SACS: variants seen among roughly 807,000 people sequenced by gnomAD.
The protein encoded by SACS is sacsin molecular chaperone.
A neutral mutation model predicts 348.0 loss-of-function variants in SACS; 197 were observed. The observed-to-expected ratio is 0.57, with a 90% CI of 0.50 to 0.64. SACS has a LOEUF of 0.64. Among genes scored for constraint, SACS ranks in the 30% least tolerant of loss-of-function variants. The probability of loss-of-function intolerance (pLI) is 0.00; values close to 1 mark genes in which losing one functional copy is unlikely to be tolerated. For synonymous variants in SACS, 1,985 were observed against 1,910.6 expected, an observed-to-expected ratio of 1.04 and a Z score of -1.02; for missense variants, 4,999 against 5,360.8, an observed-to-expected ratio of 0.93 and a Z score of 2.11.
rs556306594 is a variant in SACS at position 23,405,340 on chromosome 13, G to C, written c.20+5880C>G. Among the ~76,000 whole-genome samples the C allele has an allele frequency of 2.2e-3, 330 of 152,284 alleles. 1 individual carries two copies. The highest frequency in any genetic ancestry group is 7.6e-3 in the African/African-American group (316 of 41,562). ...ATTCCCTACTTAATAAATGGTATTGGGAAAACTGGCTAGCCATTTGCAGAA... is the reference window on the plus strand; with the variant it reads ...ATTCCCTACTTAATAAATGGTATTGCGAAAACTGGCTAGCCATTTGCAGAA... On this transcript the variant is annotated intron_variant, in intron 2 of 9. Transcript: ENST00000382292.
At position 23,354,753 on chromosome 13, in the gene SACS, G is replaced by C. The variant is rs1159082212; in HGVS notation, c.1859C>G (p.Thr620Arg). 2.5e-6 allele frequency: 4 copies of C among 1,613,804 alleles called. No homozygotes were observed. Among genetic ancestry groups the C allele is most frequent in the Non-Finnish European group, 3.4e-6 (4 of 1,179,872 alleles). ...GGGCGTCACCTTCCTCACAGGTGTT[G>C]TGCCAGAGGCAGCTGTGAGCTGAAC... ...AAVQLTAASG[T>R]TPVRKVTPAW... The change falls in exon 8 of 10, where the codon ACA becomes AGA. Residue 620 changes from threonine to arginine, a missense_variant. Around this residue, in one of 6 missense-constraint regions of SACS, gnomAD observed 3,156 missense variants for 3,380.1 expected, o/e 0.93. Transcript: ENST00000382292.
chr13:23,336,570 T>G lies in SACS; in HGVS notation c.7306A>C (p.Ile2436Leu), dbSNP rs567650774. ...RIISEGIWSLIREKKQEFCEK... is the reference protein window; with the variant it reads ...RIISEGIWSLLREKKQEFCEK... Reference sequence around the variant, plus strand: ...CAAAATTCTTGTTTCTTTTCTCTAATGAGACTCCATATTCCTTCACTGATT... The same window carrying G: ...CAAAATTCTTGTTTCTTTTCTCTAAGGAGACTCCATATTCCTTCACTGATT... The change falls in exon 10 of 10, where the codon ATT (isoleucine) becomes CTT (leucine). Residue 2436 changes from isoleucine (I) to leucine (L), a missense_variant. Physicochemically the swap from Ile to Leu is conservative, Grantham distance 5. This residue lies in a region of SACS where 3,156 missense variants were observed against 3,380.1 expected (regional missense o/e 0.93). Transcript: ENST00000382292. The G allele has an allele frequency of 2.4e-4, 385 of 1,613,690 alleles. 7 individuals are homozygous for G. The South Asian group carries it at 4.0e-3, about 17-fold the overall frequency.
intron 1 of SACS, among the ~76,000 whole-genome samples, chr13:23,424,895 T>C (rs2138007223): frequency 6.6e-6 from 1 of 152,372 alleles, no homozygotes; most frequent in South Asian, 2.1e-4. Flanking sequence ...TCTGAGGTTA[T>C]TAGGCCTATA....
intron 2 of SACS, among the ~76,000 whole-genome samples, chr13:23,399,461 G>A (rs374998446): frequency 3.5e-4 from 53 of 152,004 alleles, no homozygotes; most frequent in South Asian, 1.7e-3. Context: ...CGCCTTTGCC[G>A]TGCCCTGACA....
chr13:23,370,681 G>A (rs1184331659), intron 4 of SACS, among the ~76,000 whole-genome samples: 5 of 152,116 alleles, frequency 3.3e-5, no homozygotes, highest in South Asian at 2.1e-4. Context: ...ACTCAATCTC[G>A]GCTGGGAGCG....
At chr13:23,381,431 C>T (rs1364240971) in intron 2 of SACS, among the ~76,000 whole-genome samples, 1 of 151,398 alleles carries the variant, frequency 6.6e-6, no homozygotes, top group Non-Finnish European at 1.5e-5. Context: ...CAGCATGAAG[C>T]GCGCGCACAC....
At position 23,340,412 on chromosome 13, in the gene SACS, T is replaced by C; in HGVS notation, c.3464A>G (p.Lys1155Arg). 1.2e-6 allele frequency: 2 copies of C among 1,614,130 alleles called. No individual in the cohort carries two copies. Among genetic ancestry groups the C allele is most frequent in the Non-Finnish European group, 1.7e-6 (2 of 1,180,014 alleles). The change falls in exon 10 of 10, where the codon AAA (lysine) becomes AGA (arginine). Residue 1155 changes from lysine to arginine, a missense_variant. Physicochemically the swap from Lys to Arg is conservative, Grantham distance 26 (BLOSUM62 2). Transcript: ENST00000382292. ...SEGKMTLKKI[K>R]WVPACKERPP... ...CCTTTCCTTGCAGGCTGGAACCCATTTTATTTTCTTCAATGTCATCTTTCC... is the reference window on the plus strand; with the variant it reads ...CCTTTCCTTGCAGGCTGGAACCCATCTTATTTTCTTCAATGTCATCTTTCC...
chr13:23,368,767 C>T (rs1871205966), intron 4 of SACS, among the ~76,000 whole-genome samples: 1 of 152,100 alleles, frequency 6.6e-6, no homozygotes, highest in African/African-American at 2.4e-5. Flanking sequence ...CGTGTGATCT[C>T]CCCTCACTGC....
At position 23,336,481 on chromosome 13, in the gene SACS, C is replaced by T. The variant is rs748990212; in HGVS notation, c.7395G>A (p.Ser2465=). ...DTNLMLLPAK[S]LCYNDCPWIK... ...TCCAAGGGCAATCATTGTAGCATAA[C>T]GATTTAGCAGGGAGAAGCATAAGAT... is the stretch of plus-strand genomic sequence containing the variant. The change falls in exon 10 of 10, where the codon TCG becomes TCA. Residue 2465 remains serine (S), a synonymous_variant. Coordinates refer to ENST00000382292, the MANE Select transcript of SACS (RefSeq NM_014363.6). The T allele has an allele frequency of 9.3e-6, 15 of 1,613,950 alleles. No individual in the cohort carries two copies. The highest frequency in any genetic ancestry group is 1.1e-5 in the South Asian group (1 of 91,078).
intron 2 of SACS, among the ~76,000 whole-genome samples, chr13:23,378,446 C>T (rs1434533998): frequency 6.6e-6 from 1 of 152,114 alleles, no homozygotes; most frequent in African/African-American, 2.4e-5. Flanking sequence ...ACGTCGATCA[C>T]CACCTTTGAT....
intron 1 of SACS, among the ~76,000 whole-genome samples, chr13:23,413,934 A>C (rs1593180123): frequency 6.6e-6 from 1 of 152,348 alleles, no homozygotes; most frequent in East Asian, 1.9e-4. Context: ...ATTGGACTCC[A>C]GTTTGAAATG....
intron 1 of SACS, among the ~76,000 whole-genome samples, chr13:23,429,345 A>ATGTTT (rs1874330980): frequency 7.8e-5 from 4 of 51,464 alleles, no homozygotes; most frequent in Non-Finnish European, 1.4e-4. Context: ...TGAGGTAGGG[A>ATGTTT]TTTTTTTTTT....
intron 2 of SACS, among the ~76,000 whole-genome samples, chr13:23,391,031 C>A (rs151142859): frequency 6.6e-6 from 1 of 152,204 alleles, no homozygotes; most frequent in African/African-American, 2.4e-5. Context: ...CACCACAGGC[C>A]GTGCCTGGGG....
intron 9 of SACS, among the ~76,000 whole-genome samples, chr13:23,343,380 A>G (rs1486959849): frequency 6.6e-6 from 1 of 152,286 alleles, no homozygotes; most frequent in Non-Finnish European, 1.5e-5. Context: ...CTATGTACAT[A>G]TGACTTCTAG....
Position 23,341,401 on chromosome 13 carries a change from T to TC in SACS, c.2474_2475insG (p.Val826SerfsTer6), listed in dbSNP as rs1318298607. 6.2e-7 allele frequency: 1 copy of TC among 1,611,282 alleles called. No individual in the cohort carries two copies. Among genetic ancestry groups the TC allele is most frequent in the Non-Finnish European group, 8.5e-7 (1 of 1,178,286 alleles). On this transcript the variant is annotated frameshift_variant, in exon 10 of 10. Transcript: ENST00000382292. LOFTEE classifies it high-confidence loss of function. ...CTTCAGATTCATCGTCTAAAATGAC[T>TC]AACGATGGAATCCTGAGTCTAATGA...
chr13:23,361,440 T>C (rs1870728707), intron 6 of SACS, among the ~76,000 whole-genome samples: 1 of 152,066 alleles, frequency 6.6e-6, no homozygotes, highest in African/African-American at 2.4e-5. Context: ...TCTACTCTGA[T>C]CAAAACGATG....
chr13:23,415,797 A>G (rs1873669633), intron 1 of SACS, among the ~76,000 whole-genome samples: 1 of 152,208 alleles, frequency 6.6e-6, no homozygotes, highest in African/African-American at 2.4e-5. Flanking sequence ...TTTAAAGATA[A>G]ATAAAATGAA....
Position 23,408,016 on chromosome 13 carries a change from GGAGTT to G in SACS, c.20+3199_20+3203del, listed in dbSNP as rs950003721. Reference sequence around the variant, plus strand: ...ATCCTCAGCTGTCTGTGCTGTATTAGGAGTTGAGTCCCTATCCCTCTCCCCTGTTG... The same window carrying G: ...ATCCTCAGCTGTCTGTGCTGTATTAGGAGTCCCTATCCCTCTCCCCTGTTG... On this transcript the variant is annotated intron_variant, in intron 2 of 9. Transcript: ENST00000382292. Among the ~76,000 whole-genome samples the G allele has an allele frequency of 1.6e-4, 25 of 152,226 alleles. No homozygotes were observed. In the East Asian group the frequency reaches 4.4e-3, roughly 27 times the overall value.
At chr13:23,343,196 AAATTAACAGTTTCTTTCT>A (rs1357522606) in intron 9 of SACS, among the ~76,000 whole-genome samples, 1 of 152,230 alleles carries the variant, frequency 6.6e-6, no homozygotes, top group Non-Finnish European at 1.5e-5. Context: ...ACTGGCCTAG[AAATTAACAGTTTCTTTCT>A]AAGTGAATTT....
Sources: gnomAD v4.1 joint callset for allele counts (sites outside exome capture counted in the v4.1 genomes callset) on GRCh38, gnomAD v4.1.1 for gene constraint, gnomAD v4.1.1 regional missense constraint, MANE v1.5 for transcripts, NCBI Gene and HGNC (gene_info 2026-07-23, HGNC 2026-07-21) for gene names.